The following RFPL2 variants were observed in gnomAD, a reference collection of about 807,000 sequenced individuals.
RFPL2 encodes the protein ret finger protein-like 2.
RFPL2 carries 13 observed loss-of-function variants against 17.8 expected under a neutral mutation model. The ratio of observed to expected loss-of-function variants is 0.73; its 90% confidence interval spans 0.47 to 1.16. RFPL2 has a LOEUF of 1.16. Ranked by LOEUF, RFPL2 falls within the 50% of genes most tolerant of loss-of-function variation. The pLI is 0.00. For missense variants in RFPL2, 431 were observed against 479.3 expected (o/e 0.90, Z 0.94); for synonymous variants, 189 against 180.9 (o/e 1.04, Z -0.36).
At chr22:32,195,436 C>T (rs1024422452) in intron 2 of RFPL2, among the ~76,000 whole-genome samples, 6 of 150,686 alleles carry the variant, frequency 4.0e-5, no homozygotes, top group Non-Finnish European at 4.4e-5. Context: ...AATTAGCACA[C>T]TCTAAACATT....
Position 32,190,858 on chromosome 22 carries a change from T to C in RFPL2, c.1051A>G (p.Asn351Asp), listed in dbSNP as rs1922508262. Residue 351 changes from asparagine (N) to aspartate (D), a missense_variant, in exon 5 of 5, where the codon AAT (asparagine) becomes GAT (aspartate). Coordinates refer to ENST00000652607, the MANE Select transcript of RFPL2 (RefSeq NM_001394555.1). ...RPFLAPSVPP[N>D]GDQGVLSICP... ...ATGCTCAAGACACCTTGATCACCAT[T>C]AGGTGGAACTGAAGGAGCCAAAAAT... The C allele has an allele frequency of 1.9e-6, 3 of 1,587,308 alleles. No individual in the cohort carries two copies. Among genetic ancestry groups the C allele is most frequent in the Non-Finnish European group, 1.7e-6 (2 of 1,166,184 alleles).
chr22:32,194,053 A>T (rs1403915797), intron 3 of RFPL2, among the ~76,000 whole-genome samples: 1 of 150,176 alleles, frequency 6.7e-6, no homozygotes, highest in Non-Finnish European at 1.5e-5. Flanking sequence ...ACGCCAAGTC[A>T]CTCCAACCTG....
intron 1 of RFPL2, chr22:32,202,779 CG>C: frequency 9.3e-7 from 1 of 1,078,032 alleles, no homozygotes; most frequent in Non-Finnish European, 1.1e-6. Flanking sequence ...CTGCACTCCT[CG>C]GGAAGCAGGA....
chr22:32,199,679 G>T (rs1485768013), intron 2 of RFPL2, among the ~76,000 whole-genome samples: 2 of 152,200 alleles, frequency 1.3e-5, no homozygotes, highest in African/African-American at 4.8e-5. Flanking sequence ...CTGTACAAAA[G>T]CCCAGGGCCT....
At chr22:32,200,341 C>A in intron 2 of RFPL2, 1 of 199,076 alleles carries the variant, frequency 5.0e-6, no homozygotes, top group South Asian at 9.0e-5. Context: ...ACCCAGGAAA[C>A]CCTTAATAAA....
intron 1 of RFPL2, 135 bp from the exon 2 acceptor site, chr22:32,202,685 C>G: frequency 7.4e-7 from 1 of 1,343,466 alleles, no homozygotes. Context: ...GCAAGCTGGC[C>G]AGGAACTGCG....
rs1056773932 is a variant in RFPL2 at position 32,192,884 on chromosome 22, G to T, written c.556+18C>A. On this transcript the variant is annotated intron_variant, in intron 4 of 4. Coordinates refer to ENST00000652607, the MANE Select transcript of RFPL2 (RefSeq NM_001394555.1). The stretch of plus-strand genomic sequence containing the variant: ...TGGTCTGGTCTTGGGAAGGGGGCAG[G>T]GTATACAGATGCCTTACCTTGGAAC... 26 of 1,597,270 alleles carry T rather than the reference G, an allele frequency of 1.6e-5. No individual in the cohort carries two copies. The highest frequency in any genetic ancestry group is 2.2e-5 in the Non-Finnish European group (26 of 1,171,814).
Position 32,202,476 on chromosome 22 carries a change from G to A in RFPL2, c.-25C>T. The A allele has an allele frequency of 6.4e-7, 1 of 1,567,378 alleles. No individual in the cohort carries two copies. The highest frequency in any genetic ancestry group is 8.7e-7 in the Non-Finnish European group (1 of 1,155,964). ...TCGGAGGCAAATCATGGTGCCACAGGCTCTAGCCTCCAGCCCGTGGCATGT... is the reference window on the plus strand; with the variant it reads ...TCGGAGGCAAATCATGGTGCCACAGACTCTAGCCTCCAGCCCGTGGCATGT... On this transcript the variant is annotated 5_prime_UTR_variant, in exon 2 of 5. Coordinates refer to ENST00000652607, the MANE Select transcript of RFPL2 (RefSeq NM_001394555.1).
At position 32,204,794 on chromosome 22, in the gene RFPL2, A is replaced by C. The variant is rs1924359744; in HGVS notation, c.-187T>G. ...CCCACAGACCGAGGTTATGCAAGTAAGGTTTCTGGACTACATGTTCAGATT... is the reference window on the plus strand; with the variant it reads ...CCCACAGACCGAGGTTATGCAAGTACGGTTTCTGGACTACATGTTCAGATT... On this transcript the variant is annotated 5_prime_UTR_variant, in exon 1 of 5. Transcript: ENST00000652607. Among the ~76,000 whole-genome samples the C allele has an allele frequency of 6.6e-6, 1 of 152,202 alleles. No homozygotes were observed. The highest frequency in any genetic ancestry group is 1.5e-5 in the Non-Finnish European group (1 of 68,036).
chr22:32,192,630 C>T (rs1377831594), intron 4 of RFPL2, among the ~76,000 whole-genome samples: 4 of 152,220 alleles, frequency 2.6e-5, no homozygotes, highest in Non-Finnish European at 4.4e-5. Context: ...TCAGCATCTG[C>T]ATTTTAACAA....
intron 3 of RFPL2, 149 bp downstream of exon 3, chr22:32,194,196 C>T (rs1923064341): frequency 2.4e-6 from 2 of 833,562 alleles, no homozygotes; most frequent in East Asian, 3.0e-5. Context: ...ACTGGGGATC[C>T]AGGGTGACTG....
intron 2 of RFPL2, among the ~76,000 whole-genome samples, chr22:32,195,939 C>T (rs1395724165): frequency 1.3e-5 from 2 of 152,092 alleles, no homozygotes; most frequent in Non-Finnish European, 2.9e-5. Context: ...TCTTACCCTT[C>T]CCAGCCTCCA....
In RFPL2 at chr22:32,194,366, T is replaced by C. The variant is rs1460870887; in HGVS notation, c.244A>G (p.Arg82Gly). 5.6e-6 allele frequency: 9 copies of C among 1,603,702 alleles called. No individual in the cohort carries two copies. Reference sequence around the variant, plus strand: ...TCACCTCTTCTGCTGGAAGCTCCTCTGTCCTCCAGCTGCTTCCACTGGGCG... The same window carrying C: ...TCACCTCTTCTGCTGGAAGCTCCTCCGTCCTCCAGCTGCTTCCACTGGGCG... Reference protein sequence around the residue: ...LSAQWKQLEDRGASSRRVDMA... With the variant: ...LSAQWKQLEDGGASSRRVDMA... Residue 82 changes from arginine (R) to glycine (G), a missense_variant, in exon 3 of 5, where the codon AGA (arginine) becomes GGA (glycine). Coordinates refer to ENST00000652607, the MANE Select transcript of RFPL2 (RefSeq NM_001394555.1).
chr22:32,194,603 T>C (rs375661602), intron 2 of RFPL2, 113 bp from the exon 3 acceptor site: 1 of 1,092,912 alleles, frequency 9.1e-7, no homozygotes, highest in African/African-American at 1.6e-5. Context: ...CATATGAAGG[T>C]AAGATTAAAT....
chr22:32,200,935 AAC>A (rs970638661), intron 2 of RFPL2, among the ~76,000 whole-genome samples: 2 of 152,194 alleles, frequency 1.3e-5, no homozygotes, highest in African/African-American at 4.8e-5. Flanking sequence ...TCAGGACGGA[AAC>A]ACACACAAAA....
intron 1 of RFPL2, among the ~76,000 whole-genome samples, chr22:32,204,268 G>T (rs1341793935): frequency 1.3e-5 from 2 of 151,472 alleles, no homozygotes; most frequent in African/African-American, 4.9e-5. Flanking sequence ...CCTGCCATGC[G>T]CACTGATGTC....
rs1200608699 is a variant in RFPL2 at position 32,190,953 on chromosome 22, A to G, written c.956T>C (p.Phe319Ser). Residue 319 changes from phenylalanine to serine, a missense_variant, in exon 5 of 5, where the codon TTT (phenylalanine) becomes TCT (serine). Transcript: ENST00000652607. ...FLDMGMQNVSFFDAESGSHVY... is the reference protein window; with the variant it reads ...FLDMGMQNVSSFDAESGSHVY... ...ATGGGAACCACTTTCAGCATCAAAA[A>G]AGGAAACGTTCTGCATGCCCATATC... is the stretch of plus-strand genomic sequence containing the variant. 1 of 1,604,476 alleles carries G rather than the reference A, an allele frequency of 6.2e-7. No individual in the cohort carries two copies. Among genetic ancestry groups the G allele is most frequent in the South Asian group, 1.1e-5 (1 of 90,000 alleles).
In RFPL2 at chr22:32,191,367, A is replaced by G. The variant is rs1294186172; in HGVS notation, c.557-15T>C. 6.3e-7 allele frequency: 1 copy of G among 1,598,010 alleles called. No individual in the cohort carries two copies. On this transcript the variant is annotated splice_polypyrimidine_tract_variant and intron_variant, in intron 4 of 4. Coordinates refer to ENST00000652607, the MANE Select transcript of RFPL2 (RefSeq NM_001394555.1). ...GGTCATATCCACTGTGAAAAGGAAAAAAAGTTGCTCAGCAAATGGACAGAA... is the reference window on the plus strand; with the variant it reads ...GGTCATATCCACTGTGAAAAGGAAAGAAAGTTGCTCAGCAAATGGACAGAA...
intron 2 of RFPL2, chr22:32,200,063 C>T: frequency 2.2e-6 from 1 of 452,368 alleles, no homozygotes; most frequent in South Asian, 1.7e-5. Flanking sequence ...GCACCCCTGT[C>T]ACCCAGGGTA....
Sources: gnomAD v4.1 joint callset for allele counts (sites outside exome capture counted in the v4.1 genomes callset) on GRCh38, gnomAD v4.1.1 for gene constraint, MANE v1.5 for transcripts, NCBI Gene and HGNC (gene_info 2026-07-23, HGNC 2026-07-21) for gene names.